Variants in PRDM12 observed in about 807,000 individuals in gnomAD.
The protein encoded by PRDM12 is PR/SET domain 12.
A neutral mutation model predicts 29.6 loss-of-function variants in PRDM12; 17 were observed. That is an observed-to-expected ratio of 0.57 (90% confidence interval 0.39 to 0.86). PRDM12 has a LOEUF of 0.86. Ranked by LOEUF, PRDM12 falls within the 40% of genes least tolerant of loss-of-function variation. PRDM12 has a pLI of 0.00. For missense variants in PRDM12, 422 were observed against 510.8 expected, an observed-to-expected ratio of 0.83 and a Z score of 1.68; for synonymous variants, 231 against 225.8, an observed-to-expected ratio of 1.02 and a Z score of -0.21.
chr9:130,668,249 A>G lies in PRDM12; in HGVS notation c.506A>G (p.Asn169Ser), dbSNP rs750348992. ...ATGACCTACATCAAGTGTGCACGTA[A>G]CGAACAGGAGCAGAACCTGGAGGTG... The part of the protein sequence containing the change: ...SWMTYIKCAR[N>S]EQEQNLEVVQ... Residue 169 changes from asparagine (N) to serine (S), a missense_variant, in exon 3 of 5, where the codon AAC becomes AGC. Coordinates refer to ENST00000253008, the MANE Select transcript of PRDM12 (RefSeq NM_021619.3). This position sits in a 1 kb window ranked among gnomAD's most constrained non-coding sequence, Gnocchi z 4.0. 6.2e-7 allele frequency: 1 copy of G among 1,614,176 alleles called. No individual in the cohort carries two copies. Among genetic ancestry groups the G allele is most frequent in the South Asian group, 1.1e-5 (1 of 91,080 alleles).
intron 3 of PRDM12, among the ~76,000 whole-genome samples, chr9:130,672,211 AT>A (rs1588186350): frequency 6.6e-6 from 1 of 151,950 alleles, no homozygotes; most frequent in Non-Finnish European, 1.5e-5. Context: ...TTTTATTATT[AT>A]TTTTTTTGAG....
chr9:130,669,936 C>T (rs1830773307), intron 3 of PRDM12, among the ~76,000 whole-genome samples: 1 of 151,680 alleles, frequency 6.6e-6, no homozygotes, highest in South Asian at 2.1e-4. Context: ...AAGAGGAGGG[C>T]TTCCTGGTAG....
At chr9:130,667,871 T>C (rs1444621223) in intron 2 of PRDM12, among the ~76,000 whole-genome samples, 2 of 152,160 alleles carry the variant, frequency 1.3e-5, no homozygotes, top group African/African-American at 4.8e-5. Context: ...CAGTGATCCC[T>C]TGGAGACCCT....
In PRDM12 at chr9:130,681,876, C is replaced by T; in HGVS notation, c.*207C>T. ...GACACTGAGGGCGGCGTCCCTCACC[C>T]AGGCCACGCAGCTGGTGCGGCTGTT... On this transcript the variant is annotated 3_prime_UTR_variant, in exon 5 of 5. Transcript: ENST00000253008. The surrounding 1 kb of genome is among the most constrained non-coding windows in gnomAD (Gnocchi z 8.1). The T allele has an allele frequency of 3.1e-6, 1 of 326,048 alleles. No homozygotes were observed. Among genetic ancestry groups the T allele is most frequent in the Non-Finnish European group, 4.4e-6 (1 of 227,256 alleles). 20.2% of individuals were successfully genotyped at this position (326,048 alleles called of 1,614,324 possible). A position where few individuals can be genotyped will look rare whatever the true frequency, so the allele number is the denominator to read the frequency against.
At position 130,681,451 on chromosome 9, in the gene PRDM12, G is replaced by C; in HGVS notation, c.886G>C (p.Glu296Gln). Residue 296 changes from glutamate (E) to glutamine (Q), a missense_variant, in exon 5 of 5, where the codon GAG (glutamate) becomes CAG (glutamine). Around this residue, in one of 5 missense-constraint regions of PRDM12, gnomAD observed 24 missense variants for 64.0 expected, o/e 0.38. Coordinates refer to ENST00000253008, the MANE Select transcript of PRDM12 (RefSeq NM_021619.3). This position sits in a 1 kb window ranked among gnomAD's most constrained non-coding sequence, Gnocchi z 8.1. ...CAACCACGTGCGCCTGCACACGGGC[G>C]AGCGCCCCTACAAGTGCCAGGTGTG... is the stretch of plus-strand genomic sequence containing the variant. ...LRNHVRLHTG[E>Q]RPYKCQVCQS... 1 of 1,587,632 alleles carries C rather than the reference G, an allele frequency of 6.3e-7. No individual in the cohort carries two copies. Among genetic ancestry groups the C allele is most frequent in the Non-Finnish European group, 8.5e-7 (1 of 1,171,660 alleles).
chr9:130,667,442 T>C (rs905440993), intron 2 of PRDM12, among the ~76,000 whole-genome samples: 3 of 152,148 alleles, frequency 2.0e-5, no homozygotes, highest in African/African-American at 7.2e-5. Flanking sequence ...CCTGTGCTTC[T>C]TCCTAACTTT....
chr9:130,678,187 C>G (rs374397604), intron 3 of PRDM12, among the ~76,000 whole-genome samples: 12 of 151,962 alleles, frequency 7.9e-5, no homozygotes, highest in African/African-American at 2.9e-4. Flanking sequence ...GACTCTAGTT[C>G]CCCGGGGTAA....
chr9:130,681,316 G>A lies in PRDM12; in HGVS notation c.751G>A (p.Gly251Ser), dbSNP rs1460978123. Reference protein sequence around the residue: ...GRMRCVICHRGFNSRSNLRSH... With the variant: ...GRMRCVICHRSFNSRSNLRSH... The stretch of plus-strand genomic sequence containing the variant: ...CATGCGATGCGTCATCTGCCACCGC[G>A]GCTTCAACTCGCGCAGCAACCTGCG... The change falls in exon 5 of 5, where the codon GGC becomes AGC. Residue 251 changes from glycine (G) to serine (S), a missense_variant. Coordinates refer to ENST00000253008, the MANE Select transcript of PRDM12 (RefSeq NM_021619.3). This position sits in a 1 kb window ranked among gnomAD's most constrained non-coding sequence, Gnocchi z 8.1. 1.3e-6 allele frequency: 2 copies of A among 1,548,634 alleles called. No individual in the cohort carries two copies. The highest frequency in any genetic ancestry group is 2.3e-5 in the South Asian group (2 of 86,362).
At chr9:130,680,849 A>T (rs1253962860) in intron 4 of PRDM12, among the ~76,000 whole-genome samples, 1 of 151,308 alleles carries the variant, frequency 6.6e-6, no homozygotes, top group Non-Finnish European at 1.5e-5. Context: ...CAATCCAGGC[A>T]CCTCTCAGGC....
At chr9:130,672,989 G>C (rs1469144161) in intron 3 of PRDM12, among the ~76,000 whole-genome samples, 1 of 152,224 alleles carries the variant, frequency 6.6e-6, no homozygotes, top group Non-Finnish European at 1.5e-5. Context: ...TTTGTCAAAA[G>C]AGACTCGGGC....
intron 4 of PRDM12, among the ~76,000 whole-genome samples, chr9:130,680,659 A>ATATATATATATATATATTT: frequency 1.4e-3 from 99 of 72,098 alleles, no homozygotes; most frequent in Non-Finnish European, 1.8e-3. Context: ...ATATATATAT[A>ATATATATATATATATATTT]TTTTTTTTTT....
intron 3 of PRDM12, among the ~76,000 whole-genome samples, chr9:130,676,608 G>C (rs1830845158): frequency 2.0e-5 from 3 of 152,210 alleles, no homozygotes; most frequent in Admixed American, 2.0e-4. Context: ...CCTGGACAGT[G>C]GCCATTACTG....
intron 4 of PRDM12, among the ~76,000 whole-genome samples, chr9:130,680,657 A>T (rs1411648385): frequency 0.06 from 5,230 of 87,092 alleles, 183 homozygotes; most frequent in Non-Finnish European, 0.068. Flanking sequence ...ATATATATAT[A>T]TATTTTTTTT....
chr9:130,673,356 G>T (rs111434252), intron 3 of PRDM12, among the ~76,000 whole-genome samples: 2 of 152,166 alleles, frequency 1.3e-5, no homozygotes. Context: ...TGTTGATGGC[G>T]GGTGCCTGGG....
Position 130,665,546 on chromosome 9 carries a change from A to T in PRDM12, c.223+670A>T, listed in dbSNP as rs374337703. ...GTGAAGACTAATTCCACTTCCATTC[A>T]CGCTATGTCAACCATCTAATCCCCC... On this transcript the variant is annotated intron_variant, in intron 1 of 4. Coordinates refer to ENST00000253008, the MANE Select transcript of PRDM12 (RefSeq NM_021619.3). Among the ~76,000 whole-genome samples, 27 of 151,656 alleles carry T rather than the reference A, an allele frequency of 1.8e-4. 1 individual carries two copies. The East Asian group carries it at 4.3e-3, about 24-fold the overall frequency.
chr9:130,665,887 C>T (rs1439336068), intron 1 of PRDM12, among the ~76,000 whole-genome samples: 1 of 152,206 alleles, frequency 6.6e-6, no homozygotes, highest in Admixed American at 6.5e-5. Flanking sequence ...AGATGCCCGA[C>T]AGGGGAACCC....
chr9:130,680,657 ATATTTT>A (rs1274100652), intron 4 of PRDM12, among the ~76,000 whole-genome samples: 2 of 87,540 alleles, frequency 2.3e-5, no homozygotes, highest in Non-Finnish European at 3.8e-5. Context: ...ATATATATAT[ATATTTT>A]TTTTTTTTTT....
chr9:130,680,632 AAAATATATAT>A (rs1376866835), intron 4 of PRDM12, among the ~76,000 whole-genome samples: 1 of 77,368 alleles, frequency 1.3e-5, no homozygotes, highest in South Asian at 4.3e-4. Flanking sequence ...CTAAAAAAAA[AAAATATATAT>A]ATATATATAT....
rs1220935446 is a variant in PRDM12, at chr9:130,681,284, C to G, written c.719C>G (p.Ala240Gly). 24 of 1,493,186 alleles carry G rather than the reference C, an allele frequency of 1.6e-5. No homozygotes were observed. The highest frequency in any genetic ancestry group is 1.9e-5 in the Admixed American group (1 of 52,472). 92.5% of individuals were successfully genotyped at this position (1,493,186 alleles called of 1,614,324 possible). Residue 240 changes from alanine (A) to glycine (G), a missense_variant, in exon 5 of 5, where the codon GCG becomes GGG. Coordinates refer to ENST00000253008, the MANE Select transcript of PRDM12 (RefSeq NM_021619.3). This position sits in a 1 kb window ranked among gnomAD's most constrained non-coding sequence, Gnocchi z 8.1. Reference protein sequence around the residue: ...FHPADSAAGPAGRMRCVICHR... With the variant: ...FHPADSAAGPGGRMRCVICHR... Reference sequence around the variant, plus strand: ...CCGGCGGACTCGGCGGCTGGCCCCGCGGGCCGCATGCGATGCGTCATCTGC... The same window carrying G: ...CCGGCGGACTCGGCGGCTGGCCCCGGGGGCCGCATGCGATGCGTCATCTGC...
Sources: allele counts gnomAD v4.1 joint callset (sites outside exome capture counted in the v4.1 genomes callset), GRCh38; gene constraint gnomAD v4.1.1; regional missense constraint gnomAD v4.1.1; non-coding constraint Gnocchi (gnomAD v3.1); transcripts MANE v1.5; gene names NCBI Gene and HGNC (gene_info 2026-07-23, HGNC 2026-07-21).